The following PTPRD variants were observed in gnomAD, a reference collection of about 807,000 sequenced individuals.
PTPRD encodes the protein receptor-type tyrosine-protein phosphatase delta.
PTPRD carries 34 observed loss-of-function variants against 214.5 expected under a neutral mutation model. The observed-to-expected ratio is 0.16, with a 90% confidence interval of 0.12 to 0.21. The LOEUF is 0.21. Among genes scored for constraint, PTPRD ranks in the 10% least tolerant of loss-of-function variants. PTPRD has a pLI of 1.00. For missense variants in PTPRD, 2,545 were observed against 2,398.7 expected, an observed-to-expected ratio of 1.06 and a Z score of -1.27; for synonymous variants, 1,128 against 845.7, an observed-to-expected ratio of 1.33 and a Z score of -5.79.
At chr9:8,869,968 C>G (rs1407082464) in intron 11 of PTPRD, among the ~76,000 whole-genome samples, 1 of 152,026 alleles carries the variant, frequency 6.6e-6, no homozygotes, top group Admixed American at 6.6e-5. Context: ...TGTAATTACA[C>G]GAAATTTGTA....
intron 8 of PTPRD, among the ~76,000 whole-genome samples, chr9:9,541,975 A>T (rs898757478): frequency 6.6e-6 from 1 of 151,816 alleles, no homozygotes; most frequent in African/African-American, 2.4e-5. Flanking sequence ...TAAACCCAGA[A>T]TAAGGCAATA....
At chr9:9,208,276 A>G (rs943482104) in intron 9 of PTPRD, among the ~76,000 whole-genome samples, 70 of 151,698 alleles carry the variant, frequency 4.6e-4, no homozygotes, top group Admixed American at 2.6e-3. Context: ...GGCCTCCCAA[A>G]GTGCTGGGAT....
chr9:9,213,441 C>T (rs145017342), intron 9 of PTPRD, among the ~76,000 whole-genome samples: 1 of 152,218 alleles, frequency 6.6e-6, no homozygotes, highest in African/African-American at 2.4e-5. Flanking sequence ...TTGCTAAATG[C>T]AATACATTGT....
intron 36 of PTPRD, among the ~76,000 whole-genome samples, chr9:8,398,107 G>C (rs984755791): frequency 1.3e-5 from 2 of 152,004 alleles, no homozygotes; most frequent in African/African-American, 2.4e-5. Context: ...AAGAAATTTT[G>C]TCTGCACTTA....
intron 2 of PTPRD, among the ~76,000 whole-genome samples, chr9:10,350,267 T>C (rs1158464845): frequency 6.6e-6 from 1 of 152,176 alleles, no homozygotes; most frequent in African/African-American, 2.4e-5. Flanking sequence ...TGTCAAAATA[T>C]AGTCAAGGGA....
At chr9:9,035,430 T>C (rs958753838) in intron 10 of PTPRD, among the ~76,000 whole-genome samples, 10 of 152,064 alleles carry the variant, frequency 6.6e-5, no homozygotes, top group Admixed American at 3.9e-4. Flanking sequence ...CTCTTTGAAA[T>C]GTAAATATCA....
intron 14 of PTPRD, among the ~76,000 whole-genome samples, chr9:8,622,279 T>C (rs2095848246): frequency 6.6e-6 from 1 of 151,918 alleles, no homozygotes; most frequent in South Asian, 2.1e-4. Context: ...TGAAATACAA[T>C]TTTTCTCTCA....
chr9:10,421,397 G>A (rs182505694), intron 2 of PTPRD, among the ~76,000 whole-genome samples: 90 of 151,962 alleles, frequency 5.9e-4, no homozygotes, highest in Middle Eastern at 3.4e-3. Context: ...GCAAGGTTCC[G>A]TTGATGAAAA....
intron 2 of PTPRD, among the ~76,000 whole-genome samples, chr9:10,523,308 T>C (rs2053004110): frequency 1.3e-5 from 2 of 151,980 alleles, no homozygotes; most frequent in Admixed American, 1.3e-4. Context: ...AACACTTGTG[T>C]TGCCTGCCTG....
chr9:9,961,681 G>C (rs996953867), intron 4 of PTPRD, among the ~76,000 whole-genome samples: 2 of 152,170 alleles, frequency 1.3e-5, no homozygotes, highest in Admixed American at 6.5e-5. Context: ...GCAACACTGA[G>C]TGCAATTCCA....
At chr9:8,736,556 T>C (rs952749557) in intron 11 of PTPRD, among the ~76,000 whole-genome samples, 1 of 152,228 alleles carries the variant, frequency 6.6e-6, no homozygotes, top group Non-Finnish European at 1.5e-5. Context: ...CCATAGTATG[T>C]CATTTCTGAA....
At chr9:9,949,917 A>C (rs1460604817) in intron 4 of PTPRD, among the ~76,000 whole-genome samples, 1 of 152,182 alleles carries the variant, frequency 6.6e-6, no homozygotes, top group Non-Finnish European at 1.5e-5. Context: ...TTATCAAAAA[A>C]TTTGTTTGTA....
chr9:8,316,377 C>T lies in PTPRD; in HGVS notation c.*1497G>A, dbSNP rs1821775196. On this transcript the variant is annotated 3_prime_UTR_variant, in exon 46 of 46. Coordinates refer to ENST00000381196, the MANE Select transcript of PTPRD (RefSeq NM_002839.4). ...ATGCAAAACTAAAACCAAAACGAAA[C>T]AAAGTACAGCACTTCCCAGGAATGC... is the stretch of plus-strand genomic sequence containing the variant. 1 of 231,568 alleles carries T rather than the reference C, an allele frequency of 4.3e-6. No individual in the cohort carries two copies. Among genetic ancestry groups the T allele is most frequent in the Non-Finnish European group, 8.6e-6 (1 of 116,760 alleles). 14.3% of individuals were successfully genotyped at this position (231,568 alleles called of 1,614,324 possible).
At chr9:9,337,542 T>C (rs899537853) in intron 9 of PTPRD, among the ~76,000 whole-genome samples, 1 of 152,142 alleles carries the variant, frequency 6.6e-6, no homozygotes, top group Admixed American at 6.6e-5. Context: ...TAAATGAAAA[T>C]GTTGGTTTAA....
intron 6 of PTPRD, among the ~76,000 whole-genome samples, chr9:9,761,394 G>A (rs1312145206): frequency 2.6e-5 from 4 of 152,116 alleles, no homozygotes; most frequent in Non-Finnish European, 5.9e-5. Flanking sequence ...GGGTTGGGGT[G>A]GAAAAATGGA....
At chr9:8,517,785 C>T (rs1223221853) in intron 21 of PTPRD, 63 bp downstream of exon 21, 17 of 1,391,300 alleles carry the variant, frequency 1.2e-5, no homozygotes, top group African/African-American at 1.0e-4. Flanking sequence ...TTGTTTTTGT[C>T]CTTCTCACCT....
chr9:8,528,576 G>T lies in PTPRD; in HGVS notation c.541+15C>A, dbSNP rs748592968. The T allele has an allele frequency of 4.2e-5, 68 of 1,610,896 alleles. No individual in the cohort carries two copies. Among genetic ancestry groups the T allele is most frequent in the Middle Eastern group, 1.7e-4 (1 of 6,060 alleles). On this transcript the variant is annotated intron_variant, in intron 15 of 45. Coordinates refer to ENST00000381196, the MANE Select transcript of PTPRD (RefSeq NM_002839.4). ...AATTCTCTAGGAGTTAGTAGAAACA[G>T]TAACAAGACCCTACCTGATCGTAAC...
intron 3 of PTPRD, among the ~76,000 whole-genome samples, chr9:10,192,685 C>T (rs2099372872): frequency 6.6e-6 from 1 of 152,098 alleles, no homozygotes; most frequent in African/African-American, 2.4e-5. Flanking sequence ...GCTTCCAAAT[C>T]CTAACCTTGC....
At chr9:8,401,168 CTTTTT>C (rs35280480) in intron 36 of PTPRD, among the ~76,000 whole-genome samples, 1 of 144,518 alleles carries the variant, frequency 6.9e-6, no homozygotes, top group Non-Finnish European at 1.5e-5. Context: ...TTTACCTTTT[CTTTTT>C]TTTTTTTTCC....
Sources: allele counts gnomAD v4.1 joint callset (sites outside exome capture counted in the v4.1 genomes callset), GRCh38; gene constraint gnomAD v4.1.1; transcripts MANE v1.5; gene names NCBI Gene and HGNC (gene_info 2026-07-23, HGNC 2026-07-21).